The following NFKBIZ variants were observed in gnomAD, a reference collection of about 807,000 sequenced individuals.
NFKBIZ encodes NF-kappa-B inhibitor zeta.
Under a neutral mutation model 76.8 loss-of-function variants are expected in NFKBIZ, and 19 were observed. The ratio of observed to expected loss-of-function variants is 0.25; its 90% CI spans 0.17 to 0.36. The LOEUF is 0.36. Among genes scored for constraint, NFKBIZ ranks in the 10% least tolerant of loss-of-function variants. The pLI is 1.00. For missense variants in NFKBIZ, 829 were observed against 910.9 expected (o/e 0.91, Z 1.16); for synonymous variants, 368 against 354.8 (o/e 1.04, Z -0.42).
At chr3:101,831,280 T>C (rs974610026) in intron 2 of NFKBIZ, among the ~76,000 whole-genome samples, 2 of 152,214 alleles carry the variant, frequency 1.3e-5, no homozygotes, top group African/African-American at 4.8e-5. Flanking sequence ...CAAAGGGCCA[T>C]AGTACATAAT....
chr3:101,853,938 A>G lies in NFKBIZ; in HGVS notation c.1337+75A>G, dbSNP rs73865919. ...GGACTAGTGAGCATATAATTTTTCT[A>G]GGGTATAACAAGGTATACCTTAGTT... On this transcript the variant is annotated intron_variant, in intron 5 of 11. Transcript: ENST00000326172. The G allele has an allele frequency of 8.3e-3, 11,903 of 1,441,890 alleles. 721 individuals are homozygous for G. The African/African-American group carries it at 0.14, about 17-fold the overall frequency. 89.3% of individuals were successfully genotyped at this position (1,441,890 alleles called of 1,614,324 possible).
At chr3:101,836,305 C>A (rs1278292752) in intron 2 of NFKBIZ, among the ~76,000 whole-genome samples, 1 of 152,232 alleles carries the variant, frequency 6.6e-6, no homozygotes, top group African/African-American at 2.4e-5. Context: ...ATTCTCACAT[C>A]TGAAACTGCT....
intron 1 of NFKBIZ, among the ~76,000 whole-genome samples, chr3:101,850,919 G>A (rs1942948477): frequency 6.6e-6 from 1 of 152,196 alleles, no homozygotes; most frequent in Admixed American, 6.5e-5. Flanking sequence ...CTGTTCTGCT[G>A]GTCCCTTGGT....
Position 101,849,803 on chromosome 3 carries a change from G to T in NFKBIZ, c.175G>T (p.Ala59Ser). The T allele has an allele frequency of 6.8e-7, 1 of 1,470,232 alleles. No individual in the cohort carries two copies. The highest frequency in any genetic ancestry group is 8.9e-7 in the Non-Finnish European group (1 of 1,118,346). 91.1% of individuals were successfully genotyped at this position (1,470,232 alleles called of 1,614,324 possible). ...DASCSVLGPS[A>S]PGSPGSDSSD... ...CAGCTGCTCGGTCTTGGGCCCCTCG[G>T]CGCCCGGCTCGCCCGGCTCCGACTC... is the stretch of plus-strand genomic sequence containing the variant. Residue 59 changes from alanine to serine, a missense_variant, in exon 1 of 12, where the codon GCG (alanine) becomes TCG (serine). This residue lies in a region of NFKBIZ where 181 missense variants were observed against 175.3 expected (regional missense o/e 1.03). Coordinates refer to ENST00000326172, the MANE Select transcript of NFKBIZ (RefSeq NM_031419.4).
At chr3:101,843,176 T>G (rs1942810166) in intron 2 of NFKBIZ, among the ~76,000 whole-genome samples, 6 of 152,320 alleles carry the variant, frequency 3.9e-5, no homozygotes, top group Middle Eastern at 3.4e-3. Flanking sequence ...GGTTTACGCC[T>G]GTAATCCTAG....
chr3:101,830,931 G>A (rs1352891800), intron 2 of NFKBIZ, among the ~76,000 whole-genome samples: 1 of 152,152 alleles, frequency 6.6e-6, no homozygotes, highest in African/African-American at 2.4e-5. Flanking sequence ...TCAAAATACT[G>A]TTAATTACCT....
chr3:101,855,378 G>C lies in NFKBIZ; in HGVS notation c.1591-17G>C, dbSNP rs758355230. The C allele has an allele frequency of 4.3e-6, 7 of 1,613,960 alleles. No individual in the cohort carries two copies. In the African/African-American group the frequency reaches 8.0e-5, roughly 18 times the overall value. On this transcript the variant is annotated splice_polypyrimidine_tract_variant and intron_variant, in intron 7 of 11. Transcript: ENST00000326172. ...CAGCTTATGTAGCTAACAGATGTCT[G>C]TTTTTAAAATCTGCAGGCGATTCAG...
rs1338602563 is a variant in NFKBIZ, at chr3:101,859,367, A to T, written c.2153A>T (p.Tyr718Phe). ...GKSIQQRAPP[Y>F] is the part of the protein sequence containing the mutation. The stretch of plus-strand genomic sequence containing the variant: ...TCCATTCAGCAGAGAGCTCCACCGT[A>T]TTAGCTCCATTAGCTTGGAGCCTGG... Residue 718 changes from tyrosine (Y) to phenylalanine (F), a missense_variant, in exon 12 of 12, where the codon TAT (tyrosine) becomes TTT (phenylalanine). Around this residue, in one of 4 missense-constraint regions of NFKBIZ, gnomAD observed 272 missense variants for 384.2 expected, o/e 0.71. Coordinates refer to ENST00000326172, the MANE Select transcript of NFKBIZ (RefSeq NM_031419.4). 1 of 1,613,216 alleles carries T rather than the reference A, an allele frequency of 6.2e-7. No individual in the cohort carries two copies. Among genetic ancestry groups the T allele is most frequent in the Admixed American group, 1.7e-5 (1 of 59,998 alleles).
chr3:101,830,628 A>G (rs1026628809), intron 2 of NFKBIZ, among the ~76,000 whole-genome samples: 21 of 152,208 alleles, frequency 1.4e-4, no homozygotes, highest in Non-Finnish European at 4.4e-5. Context: ...CTCCAGCTGC[A>G]TCCATGTTGC....
At chr3:101,830,173 G>A (rs1450993978) in intron 2 of NFKBIZ, among the ~76,000 whole-genome samples, 9 of 152,126 alleles carry the variant, frequency 5.9e-5, no homozygotes, top group Admixed American at 2.0e-4. Context: ...CCTTTCAACC[G>A]TAGGGAATGA....
At chr3:101,829,222 C>T (rs566356625) in intron 1 of NFKBIZ, among the ~76,000 whole-genome samples, 1 of 152,296 alleles carries the variant, frequency 6.6e-6, no homozygotes, top group South Asian at 2.1e-4. Context: ...AGGGTACAGG[C>T]GTGGAGCACT....
At chr3:101,837,659 G>A (rs1043100671) in intron 2 of NFKBIZ, among the ~76,000 whole-genome samples, 3 of 152,108 alleles carry the variant, frequency 2.0e-5, no homozygotes, top group African/African-American at 4.8e-5. Context: ...CATGTAAAAC[G>A]AAAGGGTGTC....
At chr3:101,847,986 C>T (rs149517377), upstream of NFKBIZ, among the ~76,000 whole-genome samples, 538 of 152,342 alleles carry the variant, frequency 3.5e-3, 4 homozygotes, top group African/African-American at 0.012. Context: ...TTTCTCCCCC[C>T]CTCCAAAAGA....
chr3:101,848,820 C>A (rs1942891580), upstream of NFKBIZ: 1 of 152,224 alleles, frequency 6.6e-6, no homozygotes, highest in Non-Finnish European at 1.5e-5. Context: ...TTATTCATGG[C>A]TGCACCTAAA....
chr3:101,828,969 T>G (rs1247909240), intron 1 of NFKBIZ, among the ~76,000 whole-genome samples: 1 of 152,130 alleles, frequency 6.6e-6, no homozygotes, highest in South Asian at 2.1e-4. Flanking sequence ...GGGTGGAATA[T>G]TTTTTTGCTT....
chr3:101,853,899 A>G (rs1430579366), intron 5 of NFKBIZ, 36 bp downstream of exon 5: 4 of 1,583,240 alleles, frequency 2.5e-6, no homozygotes, highest in Admixed American at 1.7e-5. Flanking sequence ...TTAATTAGGT[A>G]AGCCACACTT....
rs781579844 is a variant in NFKBIZ, at chr3:101,853,605, C to T, written c.1079C>T (p.Ser360Phe). ...SENIANPMQTSSSVQQQNDAH... is the reference protein window; with the variant it reads ...SENIANPMQTFSSVQQQNDAH... ...AATATTGCTAATCCCATGCAGACTT[C>T]CTCCAGTGTTCAGCAGCAAAATGAT... Residue 360 changes from serine to phenylalanine, a missense_variant, in exon 5 of 12, where the codon TCC (serine) becomes TTC (phenylalanine). By Grantham distance (155) the Ser-to-Phe change is radical. This residue lies in a region of NFKBIZ where 371 missense variants were observed against 332.3 expected (regional missense o/e 1.12). Coordinates refer to ENST00000326172, the MANE Select transcript of NFKBIZ (RefSeq NM_031419.4). 1.2e-6 allele frequency: 2 copies of T among 1,614,132 alleles called. No individual in the cohort carries two copies. The highest frequency in any genetic ancestry group is 2.7e-5 in the African/African-American group (2 of 74,938).
rs1221851804 is a variant in NFKBIZ, at chr3:101,859,246, A to G, written c.2104-72A>G. ...GTGTAGATGGTATAAGAAAGGAATG[A>G]AACTCAGAAGGAAATACACCACATT... On this transcript the variant is annotated intron_variant, in intron 11 of 11. Transcript: ENST00000326172. The G allele has an allele frequency of 2.5e-6, 3 of 1,195,262 alleles. No homozygotes were observed. In the African/African-American group the frequency reaches 4.5e-5, roughly 18 times the overall value. 74.0% of individuals were successfully genotyped at this position (1,195,262 alleles called of 1,614,324 possible).
At chr3:101,833,202 A>G (rs925503670) in intron 2 of NFKBIZ, among the ~76,000 whole-genome samples, 2 of 152,230 alleles carry the variant, frequency 1.3e-5, no homozygotes, top group African/African-American at 4.8e-5. Context: ...GCAGTTCCAC[A>G]TCTTAAACCT....
Sources: allele counts gnomAD v4.1 joint callset (sites outside exome capture counted in the v4.1 genomes callset), GRCh38; gene constraint gnomAD v4.1.1; regional missense constraint gnomAD v4.1.1; transcripts MANE v1.5; gene names NCBI Gene and HGNC (gene_info 2026-07-23, HGNC 2026-07-21).